The following SERPINA6 variants were observed in gnomAD, a reference collection of about 807,000 sequenced individuals.
SERPINA6 encodes the protein serpin family A member 6.
A neutral mutation model predicts 26.4 loss-of-function variants in SERPINA6; 19 were observed. That is an observed-to-expected ratio of 0.72 (90% CI 0.50 to 1.06). The LOEUF is 1.06. Among genes scored for constraint, SERPINA6 ranks in the 50% least tolerant of loss-of-function variants. The pLI is 0.00. For missense variants in SERPINA6, 473 were observed against 504.0 expected (o/e 0.94, Z 0.59); for synonymous variants, 196 against 199.4 (o/e 0.98, Z 0.14).
chr14:94,310,631 T>C (rs1419523772), intron 2 of SERPINA6, among the ~76,000 whole-genome samples: 2 of 152,290 alleles, frequency 1.3e-5, no homozygotes, highest in Admixed American at 1.3e-4. Flanking sequence ...GCTCACTACC[T>C]TCACAGATGG....
rs920473964 is a variant in SERPINA6 at position 94,310,030 on chromosome 14, T to G, written c.614-24A>C. 4 of 1,613,240 alleles carry G rather than the reference T, an allele frequency of 2.5e-6. No individual in the cohort carries two copies. In the African/African-American group the frequency reaches 4.0e-5, roughly 16 times the overall value. ...GCCTAGGAAGAGGAGGAGACAGGTCTGTAGGGCAGAGAGGAAAACACAGTT... is the reference window on the plus strand; with the variant it reads ...GCCTAGGAAGAGGAGGAGACAGGTCGGTAGGGCAGAGAGGAAAACACAGTT... On this transcript the variant is annotated intron_variant, in intron 2 of 4. Coordinates refer to ENST00000341584, the MANE Select transcript of SERPINA6 (RefSeq NM_001756.4).
In SERPINA6 at chr14:94,314,629, G is replaced by A. The variant is rs1287480013; in HGVS notation, c.20C>T (p.Thr7Ile). 1 of 1,613,844 alleles carries A rather than the reference G, an allele frequency of 6.2e-7. No homozygotes were observed. The highest frequency in any genetic ancestry group is 1.1e-5 in the South Asian group (1 of 91,080). Residue 7 changes from threonine to isoleucine, a missense_variant, in exon 2 of 5, where the codon ACC becomes ATC. Physicochemically the swap from Thr to Ile is moderately conservative, Grantham distance 89. Transcript: ENST00000341584. Reference sequence around the variant, plus strand: ...GCTGGTGGGCAGCCAGAGAAGACAGGTGTACAGGAGGAGTGGCATTGTCCA... The same window carrying A: ...GCTGGTGGGCAGCCAGAGAAGACAGATGTACAGGAGGAGTGGCATTGTCCA... The part of the protein sequence containing the change: MPLLLY[T>I]CLLWLPTSGL...
intron 1 of SERPINA6, among the ~76,000 whole-genome samples, chr14:94,320,956 A>G (rs1895677038): frequency 6.6e-6 from 1 of 152,098 alleles, no homozygotes; most frequent in African/African-American, 2.4e-5. Flanking sequence ...CCTCGCGACA[A>G]TTCTTTTGTC....
At chr14:94,304,664 TC>T (rs1895410933) in intron 4 of SERPINA6, 61 bp from the exon 5 acceptor site, 1 of 1,421,982 alleles carries the variant, frequency 7.0e-7, no homozygotes, top group African/African-American at 1.4e-5. Context: ...CTTTCCTGAC[TC>T]ATTGCTGGGA....
chr14:94,306,138 G>A lies in SERPINA6; in HGVS notation c.965C>T (p.Ala322Val). 5 of 1,614,192 alleles carry A rather than the reference G, an allele frequency of 3.1e-6. No individual in the cohort carries two copies. The highest frequency in any genetic ancestry group is 4.2e-6 in the Non-Finnish European group (5 of 1,180,020). The change falls in exon 4 of 5, where the codon GCA becomes GTA. Residue 322 changes from alanine to valine, a missense_variant. Ala to Val is a moderately conservative substitution (Grantham distance 64, BLOSUM62 0). Coordinates refer to ENST00000341584, the MANE Select transcript of SERPINA6 (RefSeq NM_001756.4). ...ATTTGCCTGGTTGGTGAACAAGTCTGCAATGCCCATTTCCTCCAGCACATC... is the reference window on the plus strand; with the variant it reads ...ATTTGCCTGGTTGGTGAACAAGTCTACAATGCCCATTTCCTCCAGCACATC... ...LGDVLEEMGI[A>V]DLFTNQANFS...
intron 2 of SERPINA6, 160 bp downstream of exon 2, chr14:94,313,876 A>G (rs1254435897): frequency 3.5e-6 from 3 of 856,972 alleles, no homozygotes; most frequent in Non-Finnish European, 6.0e-6. Flanking sequence ...AAATAATATA[A>G]TTCCACCTAC....
At chr14:94,309,585 ACAGCCT>A in intron 3 of SERPINA6, 145 bp downstream of exon 3, 1 of 805,262 alleles carries the variant, frequency 1.2e-6, no homozygotes, top group Non-Finnish European at 2.1e-6. Flanking sequence ...AGGGAAACTT[ACAGCCT>A]TTGGGGGCCC....
chr14:94,305,893 T>G (rs976964552), intron 4 of SERPINA6, among the ~76,000 whole-genome samples, 178 bp downstream of exon 4: 3 of 152,154 alleles, frequency 2.0e-5, no homozygotes, highest in African/African-American at 4.8e-5. Context: ...GGATGTCATG[T>G]TTTCTTGCTG....
intron 2 of SERPINA6, among the ~76,000 whole-genome samples, chr14:94,313,308 G>A (rs1895558512): frequency 6.6e-6 from 1 of 152,214 alleles, no homozygotes; most frequent in Non-Finnish European, 1.5e-5. Context: ...ATGTCCAGGG[G>A]GAATTAAAGT....
At chr14:94,310,127 A>C in intron 2 of SERPINA6, 121 bp from the exon 3 acceptor site, 5 of 987,366 alleles carry the variant, frequency 5.1e-6, no homozygotes, top group Non-Finnish European at 7.8e-6. Flanking sequence ...TCCCCATTCA[A>C]GCCTCAAGGG....
In SERPINA6 at chr14:94,304,365, G is replaced by T; in HGVS notation, c.*53C>A. ...TCCCGCTCTCCAAAACATTTCTGTG[G>T]GATCCCTGGTTCCCAAAGTCAGACA... On this transcript the variant is annotated 3_prime_UTR_variant, in exon 5 of 5. Transcript: ENST00000341584. 1 of 1,565,416 alleles carries T rather than the reference G, an allele frequency of 6.4e-7. No individual in the cohort carries two copies. The highest frequency in any genetic ancestry group is 8.8e-7 in the Non-Finnish European group (1 of 1,135,742).
intron 1 of SERPINA6, 196 bp from the exon 2 acceptor site, chr14:94,314,863 A>T: frequency 3.2e-6 from 2 of 627,964 alleles, no homozygotes; most frequent in Non-Finnish European, 5.7e-6. Context: ...AGCCGTTATG[A>T]TTTATCCAGT....
chr14:94,312,573 G>A (rs1370722169), intron 2 of SERPINA6, among the ~76,000 whole-genome samples: 1 of 152,204 alleles, frequency 6.6e-6, no homozygotes, highest in Non-Finnish European at 1.5e-5. Flanking sequence ...AGAGTTTCTG[G>A]GCAAATGTTC....
At chr14:94,313,807 A>G (rs1023548030) in intron 2 of SERPINA6, 2 of 674,152 alleles carry the variant, frequency 3.0e-6, no homozygotes, top group African/African-American at 1.8e-5. Context: ...CCTCAAACCA[A>G]CCTGCCAGAA....
chr14:94,322,473 G>A (rs1023159543), intron 1 of SERPINA6, among the ~76,000 whole-genome samples: 1 of 152,166 alleles, frequency 6.6e-6, no homozygotes, highest in Admixed American at 6.5e-5. Context: ...TCGCACCATT[G>A]CACTCCAGCT....
intron 1 of SERPINA6, among the ~76,000 whole-genome samples, chr14:94,317,724 C>T (rs1895631103): frequency 1.3e-5 from 2 of 152,182 alleles, no homozygotes; most frequent in Non-Finnish European, 2.9e-5. Flanking sequence ...ATAATCAAGA[C>T]TACGTATTTA....
In SERPINA6 at chr14:94,305,240, C is replaced by T. The variant is rs28744651; in HGVS notation, c.1033-637G>A. Among the ~76,000 whole-genome samples, 548 of 152,296 alleles carry T rather than the reference C, an allele frequency of 3.6e-3. 5 individuals carry two copies. The highest frequency in any genetic ancestry group is 0.013 in the African/African-American group (527 of 41,554). ...AGCAAGCACACTCAGGCTCTGGTGGCTCTGTGAGTGGCACCCATGGCTAGG... is the reference window on the plus strand; with the variant it reads ...AGCAAGCACACTCAGGCTCTGGTGGTTCTGTGAGTGGCACCCATGGCTAGG... On this transcript the variant is annotated intron_variant, in intron 4 of 4. Transcript: ENST00000341584.
chr14:94,305,077 G>A (rs147723475), intron 4 of SERPINA6, among the ~76,000 whole-genome samples: 1 of 152,294 alleles, frequency 6.6e-6, no homozygotes, highest in African/African-American at 2.4e-5. Context: ...AAATTAGGAG[G>A]AGTTCTGAAG....
At chr14:94,305,638 G>A (rs1895426536) in intron 4 of SERPINA6, among the ~76,000 whole-genome samples, 1 of 152,162 alleles carries the variant, frequency 6.6e-6, no homozygotes, top group African/African-American at 2.4e-5. Context: ...AACATTTTCT[G>A]AATGCATGAA....
Sources: gnomAD v4.1 joint callset for allele counts (sites outside exome capture counted in the v4.1 genomes callset) on GRCh38, gnomAD v4.1.1 for gene constraint, MANE v1.5 for transcripts, NCBI Gene and HGNC (gene_info 2026-07-23, HGNC 2026-07-21) for gene names.